The following CSTPP1 variants were observed in gnomAD, a reference collection of about 807,000 sequenced individuals.
CSTPP1 encodes UPF0705 protein C11orf49.
chr11:46,949,669 C>CTTT, the CSTPP1 span, among the ~76,000 whole-genome samples: 8 of 142,050 alleles, frequency 5.6e-5, no homozygotes, highest in Non-Finnish European at 9.2e-5. Context: ...GAGAAAATAA[C>CTTT]TTTTTTTTTT....
At chr11:47,163,054 A>G in the CSTPP1 span, among the ~76,000 whole-genome samples, 2 of 151,736 alleles carry the variant, frequency 1.3e-5, no homozygotes, top group African/African-American at 4.8e-5. Flanking sequence ...TTGCACCTGT[A>G]GTCCCAGCTA....
the CSTPP1 span, among the ~76,000 whole-genome samples, chr11:47,070,231 A>G: frequency 3.3e-5 from 5 of 152,108 alleles, no homozygotes; most frequent in Non-Finnish European, 5.9e-5. Flanking sequence ...GTGAGACACC[A>G]TCTCAAACAG....
At chr11:47,032,913 A>G in the CSTPP1 span, among the ~76,000 whole-genome samples, 1 of 152,210 alleles carries the variant, frequency 6.6e-6, no homozygotes, top group Non-Finnish European at 1.5e-5. Flanking sequence ...GACCTTACCA[A>G]TAGCATTAAA....
the CSTPP1 span, among the ~76,000 whole-genome samples, chr11:47,085,201 T>TCAAA: frequency 1.5e-4 from 23 of 152,094 alleles, no homozygotes; most frequent in African/African-American, 2.4e-4. Context: ...AGACTCCATC[T>TCAAA]CAAACAAACA....
At chr11:47,001,176 T>A in the CSTPP1 span, among the ~76,000 whole-genome samples, 2 of 152,234 alleles carry the variant, frequency 1.3e-5, no homozygotes, top group African/African-American at 4.8e-5. Flanking sequence ...ATCATTTGAT[T>A]GATTTTATTT....
the CSTPP1 span, among the ~76,000 whole-genome samples, chr11:47,115,712 A>G: frequency 6.9e-6 from 1 of 145,488 alleles, no homozygotes; most frequent in East Asian, 2.0e-4. Flanking sequence ...TTTCTTCTTT[A>G]TTCATCTTGC....
chr11:47,046,629 A>C, the CSTPP1 span, among the ~76,000 whole-genome samples: 13 of 148,078 alleles, frequency 8.8e-5, no homozygotes, highest in East Asian at 2.5e-3. Flanking sequence ...GATTCAACAC[A>C]ATTTTCTTTT....
chr11:47,117,003 C>G, the CSTPP1 span, among the ~76,000 whole-genome samples: 1 of 152,104 alleles, frequency 6.6e-6, no homozygotes, highest in Non-Finnish European at 1.5e-5. Flanking sequence ...CTTTCTCCAT[C>G]CCTTTATTTT....
chr11:47,129,303 A>T, the CSTPP1 span, among the ~76,000 whole-genome samples: 1 of 152,120 alleles, frequency 6.6e-6, no homozygotes, highest in East Asian at 1.9e-4. Context: ...GGGCTGCCGG[A>T]GCCTTTGAGA....
At chr11:46,975,042 G>C in the CSTPP1 span, among the ~76,000 whole-genome samples, 6 of 90,566 alleles carry the variant, frequency 6.6e-5, no homozygotes, top group African/African-American at 1.6e-4. Context: ...CAGCACTTTG[G>C]GGAGGCTGAG....
chr11:47,043,951 G>A, the CSTPP1 span, among the ~76,000 whole-genome samples: 1 of 152,108 alleles, frequency 6.6e-6, no homozygotes, highest in South Asian at 2.1e-4. Flanking sequence ...GAATAATGCA[G>A]GTTCTACAAT....
At chr11:47,157,257 A>C in the CSTPP1 span, 2 of 1,525,040 alleles carry the variant, frequency 1.3e-6, no homozygotes, top group East Asian at 2.3e-5. Context: ...CCCCAGCCCC[A>C]GGGGGTCGGA....
chr11:47,160,756 G>C, the CSTPP1 span: 1 of 195,182 alleles, frequency 5.1e-6, no homozygotes, highest in Non-Finnish European at 1.1e-5. Context: ...ATTAGGTAAT[G>C]TCTGACCTTT....
the CSTPP1 span, among the ~76,000 whole-genome samples, chr11:47,025,356 C>T: frequency 6.6e-6 from 1 of 152,094 alleles, no homozygotes; most frequent in African/African-American, 2.4e-5. Flanking sequence ...AGAGGAGAAT[C>T]GAATCATTAT....
At chr11:47,077,091 TAA>T in the CSTPP1 span, among the ~76,000 whole-genome samples, 4 of 141,554 alleles carry the variant, frequency 2.8e-5, no homozygotes, top group Non-Finnish European at 1.5e-5. Flanking sequence ...ATGAGAAGCT[TAA>T]AAAAAAAAAA....
At chr11:47,058,963 C>T in the CSTPP1 span, among the ~76,000 whole-genome samples, 1 of 152,126 alleles carries the variant, frequency 6.6e-6, no homozygotes, top group Non-Finnish European at 1.5e-5. Context: ...CAATGATAGA[C>T]TGGATAAAGA....
At chr11:46,946,663 T>C in the CSTPP1 span, among the ~76,000 whole-genome samples, 2 of 152,140 alleles carry the variant, frequency 1.3e-5, no homozygotes, top group African/African-American at 4.8e-5. Flanking sequence ...ATCTCAAAAA[T>C]AAGTAAATAA....
the CSTPP1 span, among the ~76,000 whole-genome samples, chr11:47,088,628 C>T: frequency 1.8e-3 from 269 of 152,284 alleles, 1 homozygote; most frequent in South Asian, 2.9e-3. Flanking sequence ...CTCACTGCAA[C>T]CTCCACCTCC....
chr11:47,090,165 A>G, the CSTPP1 span, among the ~76,000 whole-genome samples: 1 of 152,066 alleles, frequency 6.6e-6, no homozygotes, highest in African/African-American at 2.4e-5. Flanking sequence ...GTGTGTTTTT[A>G]GTAGAGACGG....
Sources: allele counts gnomAD v4.1 joint callset (sites outside exome capture counted in the v4.1 genomes callset), GRCh38; gene constraint gnomAD v4.1.1; transcripts MANE v1.5; gene names NCBI Gene and HGNC (gene_info 2026-07-23, HGNC 2026-07-21).